The following PIAS1 variants were observed in gnomAD, a reference collection of about 807,000 sequenced individuals.
PIAS1 encodes protein inhibitor of activated STAT 1, also known as E3 SUMO-protein ligase PIAS1.
PIAS1 carries 6 observed loss-of-function variants against 71.3 expected under a neutral mutation model. The observed-to-expected ratio is 0.08, with a 90% CI of 0.05 to 0.17. The LOEUF (loss-of-function observed/expected upper bound fraction) is 0.17. PIAS1 is among the 10% of genes least tolerant of loss of function. The probability of loss-of-function intolerance (pLI) is 1.00; values close to 1 mark genes in which losing one functional copy is unlikely to be tolerated. For missense variants in PIAS1, 555 were observed against 793.6 expected (o/e 0.70, Z 3.61); for synonymous variants, 303 against 292.9 (o/e 1.03, Z -0.35).
chr15:68,134,739 G>A (rs61346063), intron 2 of PIAS1, among the ~76,000 whole-genome samples: 1 of 40,390 alleles, frequency 2.5e-5, no homozygotes, highest in African/African-American at 5.2e-5. Flanking sequence ...CCTCCCTCCC[G>A]GACGGGGCGG....
At chr15:68,097,483 A>C (rs2092386125) in intron 2 of PIAS1, among the ~76,000 whole-genome samples, 2 of 152,054 alleles carry the variant, frequency 1.3e-5, no homozygotes, top group Non-Finnish European at 2.9e-5. Flanking sequence ...CCCAGGCTGG[A>C]GTGCAATGGC....
intron 3 of PIAS1, 101 bp downstream of exon 3, chr15:68,142,131 G>A: frequency 1.1e-6 from 1 of 939,150 alleles, no homozygotes; most frequent in East Asian, 2.6e-5. Flanking sequence ...GTATTTGTGT[G>A]ATGCAAATAT....
rs549385397 is a variant in PIAS1, at chr15:68,187,517, T to G, written c.1663-25T>G. ...AATTTGGAAGTATAATTAACATTTTTGTGTCTTTTGTTTCCCCTCCCTAGC... is the reference window on the plus strand; with the variant it reads ...AATTTGGAAGTATAATTAACATTTTGGTGTCTTTTGTTTCCCCTCCCTAGC... On this transcript the variant is annotated intron_variant, in intron 13 of 13. Transcript: ENST00000249636. This position sits in a 1 kb window ranked among gnomAD's most constrained non-coding sequence, Gnocchi z 5.3. 5 of 1,601,394 alleles carry G rather than the reference T, an allele frequency of 3.1e-6. No homozygotes were observed. In the African/African-American group the frequency reaches 6.7e-5, roughly 21 times the overall value.
At chr15:68,182,460 G>GTGTGTC (rs2093060086) in intron 12 of PIAS1, among the ~76,000 whole-genome samples, 1 of 127,258 alleles carries the variant, frequency 7.9e-6, no homozygotes, top group Non-Finnish European at 1.7e-5. Context: ...GTGTGTGTGT[G>GTGTGTC]TCGGAGTTTT....
rs1387388197 is a variant in PIAS1, at chr15:68,190,835, T to C, written c.*3000T>C. 3 of 152,216 alleles carry C rather than the reference T, an allele frequency of 2.0e-5. No individual in the cohort carries two copies. The highest frequency in any genetic ancestry group is 1.3e-4 in the Admixed American group (2 of 15,274). The allele number at this position is 152,216 out of a possible 1,614,324, so 9.4% of individuals were successfully genotyped here. On this transcript the variant is annotated 3_prime_UTR_variant, in exon 14 of 14. Transcript: ENST00000249636. This position sits in a 1 kb window ranked among gnomAD's most constrained non-coding sequence, Gnocchi z 4.7. ...AGCATTAAAATTGCTTTACTAATTA[T>C]TTAGACATGATCACAATTCTGTATC... is the stretch of plus-strand genomic sequence containing the variant.
At chr15:68,066,129 CT>C (rs1013030843) in intron 1 of PIAS1, among the ~76,000 whole-genome samples, 1 of 149,704 alleles carries the variant, frequency 6.7e-6, no homozygotes, top group Admixed American at 6.7e-5. Flanking sequence ...TTTCTTTTTT[CT>C]TTTTTTTGAG....
chr15:68,104,794 A>G (rs2092455741), intron 2 of PIAS1, among the ~76,000 whole-genome samples: 1 of 152,220 alleles, frequency 6.6e-6, no homozygotes, highest in Non-Finnish European at 1.5e-5. Context: ...AAAAATACAT[A>G]TTCCATAAAT....
intron 1 of PIAS1, among the ~76,000 whole-genome samples, chr15:68,065,000 T>A (rs889451960): frequency 1.1e-4 from 17 of 152,268 alleles, no homozygotes; most frequent in African/African-American, 4.1e-4. Flanking sequence ...TGCCTCGGCC[T>A]CCCAAAGTGT....
intron 6 of PIAS1, among the ~76,000 whole-genome samples, chr15:68,147,879 T>G (rs1238920862): frequency 6.7e-6 from 1 of 149,730 alleles, no homozygotes; most frequent in East Asian, 2.1e-4. Flanking sequence ...CTGATCTTTT[T>G]CTATGTTGTT....
intron 2 of PIAS1, among the ~76,000 whole-genome samples, chr15:68,123,321 G>A (rs983103688): frequency 2.0e-5 from 3 of 151,998 alleles, no homozygotes; most frequent in African/African-American, 7.3e-5. Flanking sequence ...CAGAGTGCTG[G>A]GATTACAGGT....
intron 2 of PIAS1, among the ~76,000 whole-genome samples, chr15:68,129,414 C>G (rs2092673560): frequency 6.6e-6 from 1 of 152,016 alleles, no homozygotes; most frequent in African/African-American, 2.4e-5. Context: ...TATATATATA[C>G]TTGACCGTAA....
At position 68,174,401 on chromosome 15, in the gene PIAS1, CTTTGT is replaced by C. The variant is rs1473283260; in HGVS notation, c.1169+513_1169+517del. ...AAACCAATTATTGCTTTTAACACCT[CTTTGT>C]TTTATCTATCCTACCAGACATCTTG... is the stretch of plus-strand genomic sequence containing the variant. On this transcript the variant is annotated intron_variant, in intron 9 of 13. Transcript: ENST00000249636. This position sits in a 1 kb window ranked among gnomAD's most constrained non-coding sequence, Gnocchi z 4.0. Among the ~76,000 whole-genome samples, 1 of 152,172 alleles carries C rather than the reference CTTTGT, an allele frequency of 6.6e-6. No homozygotes were observed.
At chr15:68,105,859 G>A (rs894762074) in intron 2 of PIAS1, among the ~76,000 whole-genome samples, 1 of 152,040 alleles carries the variant, frequency 6.6e-6, no homozygotes, top group Admixed American at 6.6e-5. Flanking sequence ...ATGAAATTAT[G>A]GTTCTTAATG....
intron 2 of PIAS1, chr15:68,087,989 T>A (rs1045714348): frequency 3.0e-5 from 7 of 232,970 alleles, no homozygotes; most frequent in African/African-American, 1.6e-4. Context: ...CACATGCTCA[T>A]TGTAAAAAAT....
chr15:68,092,917 C>T (rs1252901506), intron 2 of PIAS1, among the ~76,000 whole-genome samples: 2 of 152,172 alleles, frequency 1.3e-5, no homozygotes, highest in Non-Finnish European at 2.9e-5. Flanking sequence ...GATTAAGATA[C>T]TCCTTTTAGC....
At chr15:68,138,226 C>T (rs973236609) in intron 2 of PIAS1, among the ~76,000 whole-genome samples, 2 of 152,128 alleles carry the variant, frequency 1.3e-5, no homozygotes, top group Non-Finnish European at 2.9e-5. Flanking sequence ...TAGACTGTGA[C>T]TCTGCTATAT....
rs559965178 is a variant in PIAS1 at position 68,062,091 on chromosome 15, G to A, written c.24+7741G>A. 9.9e-5 allele frequency among the ~76,000 whole-genome samples: 15 copies of A among 152,190 alleles called. No individual in the cohort carries two copies. The East Asian group carries it at 2.5e-3, about 25-fold the overall frequency. Reference sequence around the variant, plus strand: ...CAATCTAAATTGAAAATATTTTTAGGGTCATATCTTCGCTCTTTTTTCTTG... The same window carrying A: ...CAATCTAAATTGAAAATATTTTTAGAGTCATATCTTCGCTCTTTTTTCTTG... On this transcript the variant is annotated intron_variant, in intron 1 of 13. Transcript: ENST00000249636.
At chr15:68,160,568 GT>G (rs1368017342) in intron 7 of PIAS1, among the ~76,000 whole-genome samples, 1 of 152,106 alleles carries the variant, frequency 6.6e-6, no homozygotes, top group African/African-American at 2.4e-5. Context: ...TTTCAGAATT[GT>G]TTTGAATGTT....
chr15:68,085,588 A>G (rs540483188), intron 1 of PIAS1, among the ~76,000 whole-genome samples: 2 of 152,282 alleles, frequency 1.3e-5, no homozygotes, highest in Admixed American at 6.5e-5. Context: ...AGAATCAGAC[A>G]TATCTGGGTT....
Sources: gnomAD v4.1 joint callset for allele counts (sites outside exome capture counted in the v4.1 genomes callset) on GRCh38, gnomAD v4.1.1 for gene constraint, Gnocchi (gnomAD v3.1) non-coding constraint, MANE v1.5 for transcripts, NCBI Gene and HGNC (gene_info 2026-07-23, HGNC 2026-07-21) for gene names.